The following CAMTA1 variants were observed in gnomAD, a reference collection of about 807,000 sequenced individuals.
CAMTA1 encodes the protein calmodulin binding transcription activator 1, also known as calmodulin-binding transcription activator 1.
CAMTA1 carries 27 observed loss-of-function variants against 170.9 expected under a neutral mutation model. The ratio of observed to expected loss-of-function variants is 0.16; its 90% CI spans 0.12 to 0.22. The LOEUF (loss-of-function observed/expected upper bound fraction) is 0.22. CAMTA1 is among the 10% of genes least tolerant of loss of function. CAMTA1 has a pLI of 1.00. For synonymous variants in CAMTA1, 833 were observed against 891.5 expected (o/e 0.93, Z 1.17); for missense variants, 1,619 against 2,217.2 (o/e 0.73, Z 5.42).
intron 1 of CAMTA1, among the ~76,000 whole-genome samples, chr1:6,809,541 G>A (rs1397054713): frequency 6.6e-6 from 1 of 152,068 alleles, no homozygotes; most frequent in Non-Finnish European, 1.5e-5. Context: ...CTGTGAGGAG[G>A]TCTGGAGGGG....
At chr1:7,488,871 TAC>T (rs1195540163) in intron 6 of CAMTA1, among the ~76,000 whole-genome samples, 3 of 151,968 alleles carry the variant, frequency 2.0e-5, no homozygotes, top group Non-Finnish European at 1.5e-5. Flanking sequence ...ATACACACAA[TAC>T]ACATTGCAGA....
chr1:7,339,277 G>A (rs772784674), intron 5 of CAMTA1, among the ~76,000 whole-genome samples: 13 of 152,180 alleles, frequency 8.5e-5, no homozygotes, highest in Non-Finnish European at 1.6e-4. Context: ...AGAATTGTAC[G>A]GAATGTGAAC....
chr1:7,421,354 A>G (rs534593488), intron 5 of CAMTA1, among the ~76,000 whole-genome samples: 4 of 152,168 alleles, frequency 2.6e-5, no homozygotes, highest in African/African-American at 9.6e-5. Context: ...GGGTCTTGCC[A>G]TGTTGGCCGG....
intron 3 of CAMTA1, among the ~76,000 whole-genome samples, chr1:6,892,278 T>G (rs1674666896): frequency 6.6e-6 from 1 of 152,206 alleles, no homozygotes; most frequent in African/African-American, 2.4e-5. Flanking sequence ...GGGCGGGTTG[T>G]GAGTTCATCT....
In CAMTA1 at chr1:6,851,835, G is replaced by A. The variant is rs574356301; in HGVS notation, c.234+26625G>A. On this transcript the variant is annotated intron_variant, in intron 3 of 22. Transcript: ENST00000303635. Reference sequence around the variant, plus strand: ...TCGAGACCAGCCTGGCTGACATGGTGAAACCCTGTCTCTACTAAAAATACA... The same window carrying A: ...TCGAGACCAGCCTGGCTGACATGGTAAAACCCTGTCTCTACTAAAAATACA... 3.1e-3 allele frequency among the ~76,000 whole-genome samples: 478 copies of A among 152,062 alleles called. 1 individual carries two copies. In the Middle Eastern group the frequency reaches 0.034, roughly 11 times the overall value.
chr1:7,485,676 C>T (rs72642885), intron 6 of CAMTA1, among the ~76,000 whole-genome samples: 2,131 of 152,300 alleles, frequency 0.014, 26 homozygotes, highest in South Asian at 0.028. Flanking sequence ...GCCCCTTCCC[C>T]ACCAGGCGAG....
At chr1:7,230,445 G>GA (rs1263279255) in intron 4 of CAMTA1, among the ~76,000 whole-genome samples, 2 of 47,926 alleles carry the variant, frequency 4.2e-5, no homozygotes, top group African/African-American at 2.7e-4. Context: ...CCCCCCCCCC[G>GA]CCCCGCAAAG....
chr1:7,108,544 A>G (rs1435290639), intron 4 of CAMTA1, among the ~76,000 whole-genome samples: 3 of 152,128 alleles, frequency 2.0e-5, no homozygotes, highest in Non-Finnish European at 2.9e-5. Context: ...CGATTCAACA[A>G]TCCTTGGGGT....
At chr1:6,946,122 C>G (rs72638557) in intron 3 of CAMTA1, among the ~76,000 whole-genome samples, 3 of 152,242 alleles carry the variant, frequency 2.0e-5, no homozygotes, top group Non-Finnish European at 4.4e-5. Context: ...GAAATTCCCA[C>G]TAGCTGTATA....
At chr1:7,051,984 G>T (rs1706451551) in intron 3 of CAMTA1, among the ~76,000 whole-genome samples, 2 of 151,966 alleles carry the variant, frequency 1.3e-5, no homozygotes, top group Admixed American at 1.3e-4. Context: ...CAGGGGCTCT[G>T]GCTCTGCCGT....
chr1:7,037,984 A>C (rs574089381), intron 3 of CAMTA1, among the ~76,000 whole-genome samples: 184 of 149,664 alleles, frequency 1.2e-3, no homozygotes, highest in African/African-American at 4.4e-3. Context: ...TGAAATTGCT[A>C]TTTTCCAGCT....
At chr1:7,372,697 T>C (rs1330066551) in intron 5 of CAMTA1, among the ~76,000 whole-genome samples, 1 of 152,200 alleles carries the variant, frequency 6.6e-6, no homozygotes, top group Non-Finnish European at 1.5e-5. Flanking sequence ...AGGAGCTAAT[T>C]TGATACCCAC....
At chr1:7,743,783 A>G (rs1372612971) in intron 16 of CAMTA1, among the ~76,000 whole-genome samples, 1 of 151,966 alleles carries the variant, frequency 6.6e-6, no homozygotes, top group African/African-American at 2.4e-5. Flanking sequence ...TCTCATAAAG[A>G]ATATCTTAAT....
Position 7,206,848 on chromosome 1 carries a change from A to G in CAMTA1, c.303-42643A>G, listed in dbSNP as rs1657827251. Among the ~76,000 whole-genome samples the G allele has an allele frequency of 2.6e-5, 4 of 152,076 alleles. No homozygotes were observed. In the South Asian group the frequency reaches 8.3e-4, roughly 31 times the overall value. Reference sequence around the variant, plus strand: ...CACAGAAGCAGCATGCTTTTTAATGACTTCTCTTAAGTCCTTGGTTTCCAA... The same window carrying G: ...CACAGAAGCAGCATGCTTTTTAATGGCTTCTCTTAAGTCCTTGGTTTCCAA... On this transcript the variant is annotated intron_variant, in intron 4 of 22. Transcript: ENST00000303635.
chr1:6,905,005 G>A (rs761915289), intron 3 of CAMTA1, among the ~76,000 whole-genome samples: 1 of 152,008 alleles, frequency 6.6e-6, no homozygotes, highest in Non-Finnish European at 1.5e-5. Context: ...CCTGAGGCCA[G>A]TGGCCCACGC....
intron 9 of CAMTA1, among the ~76,000 whole-genome samples, chr1:7,669,090 A>C (rs1039144322): frequency 6.6e-6 from 1 of 152,150 alleles, no homozygotes; most frequent in Non-Finnish European, 1.5e-5. Context: ...TAGCAAGGAG[A>C]TGCCACCCAG....
At chr1:7,307,350 A>G (rs1325393276) in intron 5 of CAMTA1, among the ~76,000 whole-genome samples, 1 of 150,566 alleles carries the variant, frequency 6.6e-6, no homozygotes, top group African/African-American at 2.4e-5. Context: ...TTTTCTGTAA[A>G]TTTCTTAGAA....
At chr1:7,583,263 G>A (rs1211171101) in intron 6 of CAMTA1, among the ~76,000 whole-genome samples, 1 of 152,084 alleles carries the variant, frequency 6.6e-6, no homozygotes, top group African/African-American at 2.4e-5. Flanking sequence ...AGAGGCCCAG[G>A]TGTGTGGAAG....
chr1:7,591,999 A>G (rs901943386), intron 6 of CAMTA1, among the ~76,000 whole-genome samples: 1 of 152,188 alleles, frequency 6.6e-6, no homozygotes, highest in Non-Finnish European at 1.5e-5. Flanking sequence ...TGTGGGTTCA[A>G]GTGATTCTCC....
Sources: gnomAD v4.1 joint callset for allele counts (sites outside exome capture counted in the v4.1 genomes callset) on GRCh38, gnomAD v4.1.1 for gene constraint, MANE v1.5 for transcripts, NCBI Gene and HGNC (gene_info 2026-07-23, HGNC 2026-07-21) for gene names.